Variants in IL11RA observed in about 807,000 individuals in gnomAD.
IL11RA encodes the protein interleukin 11 receptor subunit alpha.
In IL11RA, 51 loss-of-function variants were observed where a neutral mutation model predicts 57.0. That is an observed-to-expected ratio of 0.89 (90% CI 0.71 to 1.13). The LOEUF is 1.13. Ranked by LOEUF, IL11RA falls within the 50% of genes most tolerant of loss-of-function variation. The pLI is 0.00. For missense variants in IL11RA, 498 were observed against 539.4 expected, an observed-to-expected ratio of 0.92 and a Z score of 0.76; for synonymous variants, 199 against 217.5, an observed-to-expected ratio of 0.91 and a Z score of 0.75.
intron 3 of IL11RA, among the ~76,000 whole-genome samples, chr9:34,656,347 T>C (rs530645396): frequency 1.3e-5 from 2 of 152,222 alleles, no homozygotes; most frequent in East Asian, 1.9e-4. Flanking sequence ...TACCTTTTAA[T>C]TGGTAGTTAG....
At chr9:34,659,245 G>A (rs969679441) in intron 8 of IL11RA, among the ~76,000 whole-genome samples, 1 of 152,156 alleles carries the variant, frequency 6.6e-6, no homozygotes, top group African/African-American at 2.4e-5. Context: ...TTAGGAAAAG[G>A]AGTGCCTTTC....
At chr9:34,656,969 G>A in intron 4 of IL11RA, 61 bp downstream of exon 4, 1 of 1,611,382 alleles carries the variant, frequency 6.2e-7, no homozygotes, top group Non-Finnish European at 8.5e-7. Flanking sequence ...TGGGACCTAA[G>A]TAAGCCCTCT....
Position 34,655,291 on chromosome 9 carries a change from C to G in IL11RA, c.74C>G (p.Pro25Arg), listed in dbSNP as rs763469785. 3.1e-6 allele frequency: 5 copies of G among 1,610,538 alleles called. No homozygotes were observed. The African/African-American group carries it at 6.7e-5, about 22-fold the overall frequency. ...ACAGCCCTGGTGTCTGCCTCCTCCC[C>G]CTGCCCCCAGGCCTGGGGCCCCCCA... is the stretch of plus-strand genomic sequence containing the variant. ...VATALVSASSPCPQAWGPPGV... is the reference protein window; with the variant it reads ...VATALVSASSRCPQAWGPPGV... Residue 25 changes from proline to arginine, a missense_variant, in exon 2 of 13, where the codon CCC becomes CGC. Physicochemically the swap from Pro to Arg is moderately radical, Grantham distance 103. Coordinates refer to ENST00000441545, the MANE Select transcript of IL11RA (RefSeq NM_001142784.3).
intron 1 of IL11RA, 138 bp from the exon 2 acceptor site, chr9:34,655,080 C>T (rs905419317): frequency 5.8e-5 from 41 of 709,702 alleles, no homozygotes; most frequent in East Asian, 3.0e-4. Context: ...GGTCAGTTCC[C>T]GCAGTGATTT....
rs569422218 is a variant in IL11RA at position 34,660,346 on chromosome 9, G to A, written c.1025G>A (p.Ser342Asn). The A allele has an allele frequency of 6.2e-7, 1 of 1,614,238 alleles. No homozygotes were observed. Among genetic ancestry groups the A allele is most frequent in the Non-Finnish European group, 8.5e-7 (1 of 1,180,032 alleles). ...CCAGAGGTGGAGCCTCAGGTGGACA[G>A]CCCTGCTCCTCCAAGGCCCTCCCTC... ...TQPEVEPQVD[S>N]PAPPRPSLQP... is the part of the protein sequence containing the mutation. The change falls in exon 10 of 13, where the codon AGC becomes AAC. Residue 342 changes from serine (S) to asparagine (N), a missense_variant. By Grantham distance (46) the Ser-to-Asn change is conservative. Coordinates refer to ENST00000441545, the MANE Select transcript of IL11RA (RefSeq NM_001142784.3).
chr9:34,656,759 G>A lies in IL11RA; in HGVS notation c.182G>A (p.Arg61Gln), dbSNP rs775518776. The A allele has an allele frequency of 2.7e-5, 43 of 1,614,166 alleles. No homozygotes were observed. Among genetic ancestry groups the A allele is most frequent in the Middle Eastern group, 3.3e-4 (2 of 6,062 alleles). ...VTAGDPVSWFRDGEPKLLQGP... is the reference protein window; with the variant it reads ...VTAGDPVSWFQDGEPKLLQGP... The stretch of plus-strand genomic sequence containing the variant: ...TCCAGGGACCCAGTGTCCTGGTTTC[G>A]GGATGGGGAGCCAAAGCTGCTCCAG... Residue 61 changes from arginine to glutamine, a missense_variant, in exon 4 of 13, where the codon CGG becomes CAG. By Grantham distance (43) the Arg-to-Gln change is conservative (BLOSUM62 1). Coordinates refer to ENST00000441545, the MANE Select transcript of IL11RA (RefSeq NM_001142784.3).
rs1821431295 is a variant in IL11RA at position 34,660,375 on chromosome 9, C to A, written c.1054C>A (p.Pro352Thr). ...TGCTCCTCCAAGGCCCTCCCTCCAA[C>A]CACACCCTCGGCTACTTGGTGAGCT... ...SPAPPRPSLQ[P>T]HPRLLDHRDS... is the part of the protein sequence containing the mutation. The change falls in exon 10 of 13, where the codon CCA becomes ACA. Residue 352 changes from proline to threonine, a missense_variant. Physicochemically the swap from Pro to Thr is conservative, Grantham distance 38. Transcript: ENST00000441545. 1.2e-6 allele frequency: 2 copies of A among 1,614,160 alleles called. No homozygotes were observed. The highest frequency in any genetic ancestry group is 1.7e-6 in the Non-Finnish European group (2 of 1,179,984).
At chr9:34,659,214 C>T (rs1403035705) in intron 8 of IL11RA, among the ~76,000 whole-genome samples, 3 of 152,170 alleles carry the variant, frequency 2.0e-5, no homozygotes, top group African/African-American at 4.8e-5. Flanking sequence ...TGAGCCACGG[C>T]GCCCGGCCTA....
intron 1 of IL11RA, 42 bp from the exon 2 acceptor site, chr9:34,655,176 A>G (rs1314870619): frequency 7.2e-7 from 1 of 1,395,194 alleles, no homozygotes; most frequent in East Asian, 2.3e-5. Context: ...TTAGCCTCCC[A>G]TCTCAGGGGT....
At chr9:34,655,852 G>C in intron 3 of IL11RA, 187 bp downstream of exon 3, 5 of 664,308 alleles carry the variant, frequency 7.5e-6, no homozygotes, top group Non-Finnish European at 1.4e-5. Flanking sequence ...CATCTGCCAA[G>C]TGCCAGGTCT....
intron 12 of IL11RA, among the ~76,000 whole-genome samples, chr9:34,661,240 C>CT (rs960907889): frequency 5.3e-5 from 8 of 151,542 alleles, no homozygotes; most frequent in East Asian, 1.9e-4. Context: ...GATATTCATC[C>CT]TTTTTTTTCA....
intron 3 of IL11RA, chr9:34,656,044 T>G: frequency 3.1e-6 from 1 of 318,180 alleles, no homozygotes; most frequent in Non-Finnish European, 6.2e-6. Flanking sequence ...CTTTTTTTTT[T>G]TTTTTTTCCG....
chr9:34,658,532 C>T lies in IL11RA; in HGVS notation c.659C>T (p.Pro220Leu). The T allele has an allele frequency of 1.2e-6, 2 of 1,614,176 alleles. No individual in the cohort carries two copies. The highest frequency in any genetic ancestry group is 1.7e-6 in the Non-Finnish European group (2 of 1,180,038). Reference protein sequence around the residue: ...VSLQSILRPDPPQGLRVESVP... With the variant: ...VSLQSILRPDLPQGLRVESVP... ...TTGATGCCCTTAGTGCGCCCTGACC[C>T]ACCCCAGGGCCTGCGGGTAGAGTCA... The change falls in exon 8 of 13, where the codon CCA becomes CTA. Residue 220 changes from proline to leucine, a missense_variant. By Grantham distance (98) the Pro-to-Leu change is moderately conservative (BLOSUM62 -3). Coordinates refer to ENST00000441545, the MANE Select transcript of IL11RA (RefSeq NM_001142784.3). The surrounding 1 kb of genome is among the most constrained non-coding windows in gnomAD (Gnocchi z 4.0).
Position 34,660,380 on chromosome 9 carries a change from C to G in IL11RA, c.1059C>G (p.His353Gln), listed in dbSNP as rs1453556074. ...PAPPRPSLQP[H>Q]PRLLDHRDSV... is the part of the protein sequence containing the mutation. ...CTCCAAGGCCCTCCCTCCAACCACA[C>G]CCTCGGCTACTTGGTGAGCTTGGGC... The change falls in exon 10 of 13, where the codon CAC becomes CAG. Residue 353 changes from histidine to glutamine, a missense_variant. By Grantham distance (24) the His-to-Gln change is conservative. Transcript: ENST00000441545. The G allele has an allele frequency of 6.2e-7, 1 of 1,614,024 alleles. No individual in the cohort carries two copies. Among genetic ancestry groups the G allele is most frequent in the East Asian group, 2.2e-5 (1 of 44,900 alleles).
intron 8 of IL11RA, among the ~76,000 whole-genome samples, chr9:34,659,169 C>T (rs1358758755): frequency 2.0e-5 from 3 of 152,150 alleles, no homozygotes; most frequent in African/African-American, 7.2e-5. Flanking sequence ...ACGATCTGCC[C>T]ACCTCGGCCT....
chr9:34,655,310 C>A lies in IL11RA; in HGVS notation c.93C>A (p.Gly31=), dbSNP rs760865062. 6.4e-6 allele frequency: 10 copies of A among 1,574,436 alleles called. No individual in the cohort carries two copies. In the African/African-American group the frequency reaches 9.5e-5, roughly 15 times the overall value. ...CCTCCCCCTGCCCCCAGGCCTGGGG[C>A]CCCCCAGGTGAGAAGAACCCTGCTC... The part of the protein sequence containing the change: ...SASSPCPQAW[G]PPGVQYGQPG... Residue 31 remains glycine (G), a synonymous_variant, in exon 2 of 13, where the codon GGC becomes GGA. Transcript: ENST00000441545.
chr9:34,661,566 C>A lies in IL11RA; in HGVS notation c.*68C>A. The A allele has an allele frequency of 1.3e-5, 18 of 1,389,468 alleles. No individual in the cohort carries two copies. The highest frequency in any genetic ancestry group is 1.5e-5 in the Non-Finnish European group (15 of 984,060). The allele number at this position is 1,389,468 out of a possible 1,614,324, so 86.1% of individuals were successfully genotyped here. A position where few individuals can be genotyped will look rare whatever the true frequency, so the allele number is the denominator to read the frequency against. On this transcript the variant is annotated 3_prime_UTR_variant, in exon 13 of 13. Transcript: ENST00000441545. ...CTTGCTGGTGTGGATAGAAACCAGG[C>A]AGGACAGTAGATCCCTATGGTTGGA...
rs1821383773 is a variant in IL11RA, at chr9:34,658,207, A to T, written c.647-313A>T. ...AGGCATGTGCCACCATGTCTGGTTA[A>T]TTTTTAAAATTTTTTGTAGAGACAG... On this transcript the variant is annotated intron_variant, in intron 7 of 12. Coordinates refer to ENST00000441545, the MANE Select transcript of IL11RA (RefSeq NM_001142784.3). This position sits in a 1 kb window ranked among gnomAD's most constrained non-coding sequence, Gnocchi z 4.0. Among the ~76,000 whole-genome samples, 1 of 152,216 alleles carries T rather than the reference A, an allele frequency of 6.6e-6. No individual in the cohort carries two copies. Among genetic ancestry groups the T allele is most frequent in the South Asian group, 2.1e-4 (1 of 4,822 alleles).
Position 34,658,956 on chromosome 9 carries a change from G to A in IL11RA, c.810+273G>A, listed in dbSNP as rs1821401420. 2.0e-5 allele frequency among the ~76,000 whole-genome samples: 3 copies of A among 151,836 alleles called. No homozygotes were observed. The highest frequency in any genetic ancestry group is 2.1e-4 in the South Asian group (1 of 4,818). The stretch of plus-strand genomic sequence containing the variant: ...CTTTTTTTTTTTGAGAGGGAGTCTC[G>A]CTCTGTCACCTAGGCTGGAGTGCAG... On this transcript the variant is annotated intron_variant, in intron 8 of 12. Transcript: ENST00000441545. This position sits in a 1 kb window ranked among gnomAD's most constrained non-coding sequence, Gnocchi z 4.0.
Sources: gnomAD v4.1 joint callset for allele counts (sites outside exome capture counted in the v4.1 genomes callset) on GRCh38, gnomAD v4.1.1 for gene constraint, Gnocchi (gnomAD v3.1) non-coding constraint, MANE v1.5 for transcripts, NCBI Gene and HGNC (gene_info 2026-07-23, HGNC 2026-07-21) for gene names.